The following SHPRH variants were observed in gnomAD, a reference collection of about 807,000 sequenced individuals.
SHPRH encodes E3 ubiquitin-protein ligase SHPRH.
A neutral mutation model predicts 202.5 loss-of-function variants in SHPRH; 106 were observed. The ratio of observed to expected loss-of-function variants is 0.52; its 90% CI spans 0.45 to 0.62. The LOEUF (loss-of-function observed/expected upper bound fraction) is 0.62, where lower values mean the gene tolerates loss of function less well. Ranked by LOEUF, SHPRH falls within the 20% of genes least tolerant of loss-of-function variation. SHPRH has a pLI of 0.00. For synonymous variants in SHPRH, 729 were observed against 686.0 expected (o/e 1.06, Z -0.98); for missense variants, 1,710 against 2,020.0 (o/e 0.85, Z 2.94).
intron 2 of SHPRH, among the ~76,000 whole-genome samples, chr6:145,879,778 G>A (rs1013788296): frequency 2.0e-5 from 3 of 151,954 alleles, no homozygotes; most frequent in African/African-American, 7.3e-5. Context: ...GGGCATGGTG[G>A]TGGGTGCCTT....
intron 25 of SHPRH, among the ~76,000 whole-genome samples, chr6:145,900,656 T>G (rs372546360): frequency 1.3e-5 from 2 of 152,110 alleles, no homozygotes; most frequent in Non-Finnish European, 2.9e-5. Context: ...AGGATCCCCA[T>G]TGGATATCAA....
intron 2 of SHPRH, among the ~76,000 whole-genome samples, chr6:145,867,629 TATAGAGAGAG>T (rs1438645511): frequency 1.2e-3 from 51 of 43,892 alleles, no homozygotes; most frequent in South Asian, 3.6e-3. Context: ...TATATATATA[TATAGAGAGAG>T]AGAGAGAGAG....
chr6:145,940,204 G>A (rs1162314108), intron 11 of SHPRH, among the ~76,000 whole-genome samples: 2 of 151,700 alleles, frequency 1.3e-5, no homozygotes, highest in East Asian at 1.9e-4. Flanking sequence ...AAACAATAAC[G>A]GTATATACAT....
Position 145,947,586 on chromosome 6 carries a change from A to G in SHPRH, c.1119T>C (p.Asp373=). Residue 373 remains aspartate, a synonymous_variant, in exon 6 of 30, where the codon GAT becomes GAC. Coordinates refer to ENST00000275233, the MANE Select transcript of SHPRH (RefSeq NM_001042683.3). The part of the protein sequence containing the change: ...GPQLLGGILA[D]EMGLGKTVEV... ...CCACTGTCTTTCCAAGACCCATCTC[A>G]TCTGCTAAAATTCCACCAAGCAACT... is the stretch of plus-strand genomic sequence containing the variant. 7 of 1,605,530 alleles carry G rather than the reference A, an allele frequency of 4.4e-6. No individual in the cohort carries two copies. Among genetic ancestry groups the G allele is most frequent in the Non-Finnish European group, 6.0e-6 (7 of 1,172,650 alleles).
At chr6:145,895,177 T>A (rs1781906024) in intron 25 of SHPRH, among the ~76,000 whole-genome samples, 200 bp from the exon 26 acceptor site, 1 of 152,080 alleles carries the variant, frequency 6.6e-6, no homozygotes, top group African/African-American at 2.4e-5. Context: ...GTCATTAAAT[T>A]TACACCCAGA....
Position 145,923,727 on chromosome 6 carries a change from A to G in SHPRH, c.3461T>C (p.Ile1154Thr), listed in dbSNP as rs1479220145. 2 of 1,612,060 alleles carry G rather than the reference A, an allele frequency of 1.2e-6. No individual in the cohort carries two copies. Among genetic ancestry groups the G allele is most frequent in the Admixed American group, 3.3e-5 (2 of 59,776 alleles). Residue 1154 changes from isoleucine to threonine, a missense_variant, in exon 18 of 30, where the codon ATT becomes ACT. Around this residue, in one of 8 missense-constraint regions of SHPRH, gnomAD observed 288 missense variants for 317.8 expected, o/e 0.91. Coordinates refer to ENST00000275233, the MANE Select transcript of SHPRH (RefSeq NM_001042683.3). ...CACTCGCTGAACTAGCTCCTCATCA[A>G]TAGTAAATTCTATTGCTCTGTGGAT... is the stretch of plus-strand genomic sequence containing the variant. ...NVIHRAIEFT[I>T]DEELVQRVRN...
At position 145,922,806 on chromosome 6, in the gene SHPRH, T is replaced by A; in HGVS notation, c.3576A>T (p.Leu1192Phe). Residue 1192 changes from leucine (L) to phenylalanine (F), a missense_variant, in exon 19 of 30, where the codon TTA becomes TTT. By Grantham distance (22) the Leu-to-Phe change is conservative. Coordinates refer to ENST00000275233, the MANE Select transcript of SHPRH (RefSeq NM_001042683.3). ...TTAGCTCTTCCATTTGTGTTGTAAGTAAGAACTGAAGACCTCTGCAATCAC... is the reference window on the plus strand; with the variant it reads ...TTAGCTCTTCCATTTGTGTTGTAAGAAAGAACTGAAGACCTCTGCAATCAC... ...KFRDCRGLQF[L>F]LTTQMEELNK... 1.2e-6 allele frequency: 2 copies of A among 1,611,640 alleles called. No homozygotes were observed. The highest frequency in any genetic ancestry group is 2.2e-5 in the East Asian group (1 of 44,750).
chr6:145,946,723 C>T (rs1465880389), intron 6 of SHPRH, among the ~76,000 whole-genome samples: 1 of 151,598 alleles, frequency 6.6e-6, no homozygotes. Context: ...TATTCCAAGT[C>T]ATTTGTCTAC....
At chr6:145,925,351 C>CACACACACAT (rs1784775326) in intron 16 of SHPRH, among the ~76,000 whole-genome samples, 2 of 150,872 alleles carry the variant, frequency 1.3e-5, no homozygotes, top group Non-Finnish European at 1.5e-5. Flanking sequence ...TACACACACA[C>CACACACACAT]ACACACACAC....
intron 11 of SHPRH, among the ~76,000 whole-genome samples, chr6:145,938,312 G>A (rs1312786158): frequency 6.6e-6 from 1 of 152,140 alleles, no homozygotes; most frequent in Non-Finnish European, 1.5e-5. Flanking sequence ...TCCACCATGA[G>A]ATGATCCTCG....
intron 2 of SHPRH, among the ~76,000 whole-genome samples, chr6:145,866,841 A>T (rs1779801711): frequency 6.6e-6 from 1 of 152,190 alleles, no homozygotes; most frequent in Admixed American, 6.5e-5. Flanking sequence ...CCACACAAAC[A>T]TTAGCTTGTC....
At chr6:145,907,941 GGTGT>G (rs569782794) in intron 25 of SHPRH, 1 of 151,904 alleles carries the variant, frequency 6.6e-6, no homozygotes, top group Non-Finnish European at 1.5e-5. Flanking sequence ...AACAAGCCCT[GGTGT>G]GTGTGTTGTT....
intron 16 of SHPRH, among the ~76,000 whole-genome samples, chr6:145,925,556 C>A (rs1784802798): frequency 6.6e-6 from 1 of 151,814 alleles, no homozygotes; most frequent in Admixed American, 6.6e-5. Context: ...TATATAATCT[C>A]ATTTTTTATC....
In SHPRH at chr6:145,955,235, T is replaced by C. The variant is rs1788385686; in HGVS notation, c.88A>G (p.Arg30Gly). 6.2e-7 allele frequency: 1 copy of C among 1,613,354 alleles called. No homozygotes were observed. The highest frequency in any genetic ancestry group is 1.7e-5 in the Admixed American group (1 of 59,986). The change falls in exon 2 of 30, where the codon AGG becomes GGG. Residue 30 changes from arginine (R) to glycine (G), a missense_variant. Around this residue, in one of 8 missense-constraint regions of SHPRH, gnomAD observed 459 missense variants for 426.5 expected, o/e 1.08. Transcript: ENST00000275233. ...TCACTTATGATGATAGGTTCATTCCTTCTGTCCTCATGCATATTCCAATGA... is the reference window on the plus strand; with the variant it reads ...TCACTTATGATGATAGGTTCATTCCCTCTGTCCTCATGCATATTCCAATGA... ...QLHWNMHEDRRNEPIIISDDD... is the reference protein window; with the variant it reads ...QLHWNMHEDRGNEPIIISDDD...
chr6:145,899,468 T>C (rs1473571324), intron 25 of SHPRH, among the ~76,000 whole-genome samples: 1 of 152,068 alleles, frequency 6.6e-6, no homozygotes, highest in Non-Finnish European at 1.5e-5. Context: ...TAAACTGTGC[T>C]GAAAAAACTA....
chr6:145,868,122 C>G (rs544243970), intron 2 of SHPRH, among the ~76,000 whole-genome samples: 22 of 152,216 alleles, frequency 1.4e-4, no homozygotes, highest in Non-Finnish European at 2.1e-4. Context: ...ATAGATGGTG[C>G]CTTCTTCCTG....
At position 145,885,739 on chromosome 6, in the gene SHPRH, C is replaced by T. The variant is rs1188188669; in HGVS notation, c.*952G>A. 6.6e-6 allele frequency: 1 copy of T among 151,956 alleles called. No homozygotes were observed. Among genetic ancestry groups the T allele is most frequent in the Non-Finnish European group, 1.5e-5 (1 of 67,976 alleles). 9.4% of individuals were successfully genotyped at this position (151,956 alleles called of 1,614,324 possible). On this transcript the variant is annotated 3_prime_UTR_variant, in exon 30 of 30. Coordinates refer to ENST00000275233, the MANE Select transcript of SHPRH (RefSeq NM_001042683.3). Reference sequence around the variant, plus strand: ...AGACTCGTGCTTAAGGGAGGAACAACTGGAGTGAAATAACAACTCTACCAT... The same window carrying T: ...AGACTCGTGCTTAAGGGAGGAACAATTGGAGTGAAATAACAACTCTACCAT...
chr6:145,942,643 C>A (rs1420621013), intron 9 of SHPRH, among the ~76,000 whole-genome samples: 2 of 152,170 alleles, frequency 1.3e-5, no homozygotes, highest in Non-Finnish European at 2.9e-5. Context: ...CATATCTTCA[C>A]AAATGACTGG....
chr6:145,936,222 A>G (rs914012266), intron 11 of SHPRH, among the ~76,000 whole-genome samples: 2 of 152,122 alleles, frequency 1.3e-5, no homozygotes, highest in Non-Finnish European at 2.9e-5. Context: ...TTGGATATGA[A>G]GTGGAAAAAA....
Sources: gnomAD v4.1 joint callset for allele counts (sites outside exome capture counted in the v4.1 genomes callset) on GRCh38, gnomAD v4.1.1 for gene constraint, gnomAD v4.1.1 regional missense constraint, MANE v1.5 for transcripts, NCBI Gene and HGNC (gene_info 2026-07-23, HGNC 2026-07-21) for gene names.